Variants in TRHDE observed in about 807,000 individuals in gnomAD.
TRHDE encodes thyrotropin-releasing hormone-degrading ectoenzyme.
Under a neutral mutation model 125.7 loss-of-function variants are expected in TRHDE, and 72 were observed. The observed-to-expected ratio is 0.57, with a 90% CI of 0.47 to 0.70. The LOEUF is 0.70. Among genes scored for constraint, TRHDE ranks in the 30% least tolerant of loss-of-function variants. The pLI is 0.00. For missense variants in TRHDE, 1,110 were observed against 1,327.1 expected (o/e 0.84, Z 2.54); for synonymous variants, 509 against 509.1 (o/e 1.00, Z 0.00).
At position 72,614,330 on chromosome 12, in the gene TRHDE, A is replaced by ATTT. The variant is rs1555202261; in HGVS notation, c.2322-4553_2322-4551dup. Reference sequence around the variant, plus strand: ...TACATATGTATATATATATATATATATTTTTTTTTTCTCTAGAAACTGATC... The same window carrying ATTT: ...TACATATGTATATATATATATATATATTTTTTTTTTTTTCTCTAGAAACTGATC... On this transcript the variant is annotated intron_variant, in intron 12 of 18. Coordinates refer to ENST00000261180, the MANE Select transcript of TRHDE (RefSeq NM_013381.3). Among the ~76,000 whole-genome samples, 526 of 129,808 alleles carry ATTT rather than the reference A, an allele frequency of 4.1e-3. 3 individuals are homozygous for ATTT. The highest frequency in any genetic ancestry group is 9.5e-3 in the South Asian group (39 of 4,108). The allele number at this position is 129,808 out of a possible 152,430, so 85.2% of individuals were successfully genotyped here. A position where few individuals can be genotyped will look rare whatever the true frequency, so the allele number is the denominator to read the frequency against.
intron 2 of TRHDE, among the ~76,000 whole-genome samples, chr12:72,366,740 T>C (rs534892972): frequency 7.0e-4 from 106 of 151,798 alleles, no homozygotes; most frequent in Middle Eastern, 3.4e-3. Flanking sequence ...TTTTAGTGAG[T>C]GTTTTTCTCA....
At position 72,661,528 on chromosome 12, in the gene TRHDE, A is replaced by G. The variant is rs529520242; in HGVS notation, c.3067-1524A>G. 5.0e-3 allele frequency among the ~76,000 whole-genome samples: 756 copies of G among 152,308 alleles called. 5 individuals are homozygous for G. Among genetic ancestry groups the G allele is most frequent in the Non-Finnish European group, 8.2e-3 (560 of 68,004 alleles). On this transcript the variant is annotated intron_variant, in intron 18 of 18. Coordinates refer to ENST00000261180, the MANE Select transcript of TRHDE (RefSeq NM_013381.3). ...AAACAAAATTCAAAACATAGATCAAAATGTATTACTTTTTGCCTTAAGGAT... is the reference window on the plus strand; with the variant it reads ...AAACAAAATTCAAAACATAGATCAAGATGTATTACTTTTTGCCTTAAGGAT...
intron 2 of TRHDE, among the ~76,000 whole-genome samples, chr12:72,319,457 T>C (rs962545972): frequency 6.6e-6 from 1 of 152,218 alleles, no homozygotes; most frequent in African/African-American, 2.4e-5. Context: ...TTTTTAACCT[T>C]GAACTCTTTT....
Position 72,316,229 on chromosome 12 carries a change from A to G in TRHDE, c.1188+29275A>G, listed in dbSNP as rs972667031. 2.0e-5 allele frequency among the ~76,000 whole-genome samples: 3 copies of G among 152,202 alleles called. No homozygotes were observed. The East Asian group carries it at 5.8e-4, about 29-fold the overall frequency. On this transcript the variant is annotated intron_variant, in intron 2 of 18. Transcript: ENST00000261180. ...CAAGAGCTTTGGCAAGAAAATCAGTACTTGAAGGTTTTAATTCTGCATCAT... is the reference window on the plus strand; with the variant it reads ...CAAGAGCTTTGGCAAGAAAATCAGTGCTTGAAGGTTTTAATTCTGCATCAT...
intron 2 of TRHDE, among the ~76,000 whole-genome samples, chr12:72,144,132 A>G (rs1876175122): frequency 6.6e-6 from 1 of 152,200 alleles, no homozygotes. Flanking sequence ...CTGGAATGAT[A>G]GCTCAATCAG....
intron 2 of TRHDE, among the ~76,000 whole-genome samples, chr12:72,374,037 G>A (rs1871752804): frequency 6.6e-6 from 1 of 152,112 alleles, no homozygotes; most frequent in African/African-American, 2.4e-5. Context: ...GGCATCAGTA[G>A]GAAAATAAAG....
At chr12:72,243,238 G>C (rs1019897142) in intron 2 of TRHDE, among the ~76,000 whole-genome samples, 5 of 152,222 alleles carry the variant, frequency 3.3e-5, no homozygotes, top group African/African-American at 1.2e-4. Flanking sequence ...GAGGTTTGGG[G>C]TTTGAAGCTT....
chr12:72,319,288 C>T (rs1166997635), intron 2 of TRHDE, among the ~76,000 whole-genome samples: 3 of 152,094 alleles, frequency 2.0e-5, no homozygotes, highest in Non-Finnish European at 4.4e-5. Flanking sequence ...ACCTTGGCCT[C>T]GGGTCCTTCC....
chr12:72,557,848 G>A (rs1304841231), intron 7 of TRHDE, among the ~76,000 whole-genome samples: 2 of 152,006 alleles, frequency 1.3e-5, no homozygotes, highest in African/African-American at 2.4e-5. Context: ...ATTATGTCCT[G>A]TATTAATATT....
intron 2 of TRHDE, among the ~76,000 whole-genome samples, chr12:72,111,866 T>G (rs1385371246): frequency 6.6e-6 from 1 of 152,170 alleles, no homozygotes; most frequent in Non-Finnish European, 1.5e-5. Flanking sequence ...CATGTGTGAA[T>G]ATGTGTCTAC....
chr12:72,488,591 A>C (rs1403985149), intron 5 of TRHDE, among the ~76,000 whole-genome samples: 1 of 152,074 alleles, frequency 6.6e-6, no homozygotes, highest in Non-Finnish European at 1.5e-5. Flanking sequence ...CAATGGAAAC[A>C]TCAATCAGAT....
At position 72,165,354 on chromosome 12, in the gene TRHDE, G is replaced by A. The variant is rs118117851; in HGVS notation, n.279+59602G>A. ...ATCTTCCTCCCATTGCTGATAATAA[G>A]TTAATAATGTATGGAGTAAAAGAAA... On this transcript the variant is annotated intron_variant and non_coding_transcript_variant, in intron 2 of 4. Coordinates refer to the TRHDE transcript ENST00000548156. Among the ~76,000 whole-genome samples, 1,083 of 152,242 alleles carry A rather than the reference G, an allele frequency of 7.1e-3. 5 individuals carry two copies. Among genetic ancestry groups the A allele is most frequent in the Non-Finnish European group, 0.012 (802 of 68,022 alleles).
In TRHDE at chr12:72,466,906, T is replaced by A. The variant is rs36076417; in HGVS notation, c.1316-2852T>A. 2.0e-5 allele frequency among the ~76,000 whole-genome samples: 3 copies of A among 152,300 alleles called. No individual in the cohort carries two copies. The East Asian group carries it at 5.8e-4, about 29-fold the overall frequency. ...AATTTTCTCATTCATTTATTACTTGTTAATTGACGTCCTGCACACGCTCAC... is the reference window on the plus strand; with the variant it reads ...AATTTTCTCATTCATTTATTACTTGATAATTGACGTCCTGCACACGCTCAC... On this transcript the variant is annotated intron_variant, in intron 3 of 18. Coordinates refer to ENST00000261180, the MANE Select transcript of TRHDE (RefSeq NM_013381.3).
chr12:72,593,327 C>T (rs938086687), intron 12 of TRHDE, among the ~76,000 whole-genome samples: 101 of 152,258 alleles, frequency 6.6e-4, no homozygotes, highest in African/African-American at 2.3e-3. Context: ...GCACAACTTT[C>T]AATCTATTAT....
At chr12:72,126,834 T>C (rs761109156) in intron 2 of TRHDE, among the ~76,000 whole-genome samples, 4 of 152,066 alleles carry the variant, frequency 2.6e-5, no homozygotes, top group Non-Finnish European at 5.9e-5. Flanking sequence ...GTGACATAAC[T>C]GAAAATTGAC....
intron 10 of TRHDE, 151 bp from the exon 11 acceptor site, chr12:72,575,104 C>T: frequency 1.4e-6 from 1 of 705,002 alleles, no homozygotes; most frequent in Non-Finnish European, 2.3e-6. Flanking sequence ...ATTCTAGATG[C>T]AAGTGATTAA....
chr12:72,417,227 T>C (rs1025732955), intron 3 of TRHDE, among the ~76,000 whole-genome samples: 2 of 152,022 alleles, frequency 1.3e-5, no homozygotes, highest in African/African-American at 4.8e-5. Flanking sequence ...GGTCCTGGAC[T>C]ATTAACCTTT....
chr12:72,304,418 C>T (rs1868308574), intron 2 of TRHDE, among the ~76,000 whole-genome samples: 1 of 152,042 alleles, frequency 6.6e-6, no homozygotes, highest in Non-Finnish European at 1.5e-5. Context: ...TTATAGTTCC[C>T]AATAATCCAG....
Position 72,359,244 on chromosome 12 carries a change from A to G in TRHDE, c.1189-18751A>G, listed in dbSNP as rs1477229776. Among the ~76,000 whole-genome samples the G allele has an allele frequency of 2.0e-5, 3 of 151,668 alleles. No individual in the cohort carries two copies. In the East Asian group the frequency reaches 5.8e-4, roughly 29 times the overall value. ...CGAAAAATCCAACATTATTCATGAT[A>G]CAATTCTTGGCAAACAATGAATTGA... is the stretch of plus-strand genomic sequence containing the variant. On this transcript the variant is annotated intron_variant, in intron 2 of 18. Transcript: ENST00000261180.
Sources: gnomAD v4.1 joint callset for allele counts (sites outside exome capture counted in the v4.1 genomes callset) on GRCh38, gnomAD v4.1.1 for gene constraint, MANE v1.5 for transcripts, NCBI Gene and HGNC (gene_info 2026-07-23, HGNC 2026-07-21) for gene names.